Variants in PSME3 observed in about 807,000 individuals in gnomAD.
PSME3 encodes the protein proteasome activator subunit 3.
A neutral mutation model predicts 38.3 loss-of-function variants in PSME3; 7 were observed. The ratio of observed to expected loss-of-function variants is 0.18; its 90% CI spans 0.10 to 0.34. The LOEUF is 0.34. Among genes scored for constraint, PSME3 ranks in the 10% least tolerant of loss-of-function variants. The pLI is 1.00. For missense variants in PSME3, 192 were observed against 307.6 expected, an observed-to-expected ratio of 0.62 and a Z score of 2.81; for synonymous variants, 108 against 105.7, an observed-to-expected ratio of 1.02 and a Z score of -0.13.
intron 4 of PSME3, among the ~76,000 whole-genome samples, chr17:42,835,477 G>C (rs1301021679): frequency 1.3e-5 from 2 of 152,006 alleles, no homozygotes; most frequent in South Asian, 2.1e-4. Flanking sequence ...TGTAATCCCA[G>C]CACTTTGGGA....
chr17:42,839,397 C>T lies in PSME3; in HGVS notation c.684+17C>T. The stretch of plus-strand genomic sequence containing the variant: ...AATCAATATGTGAGTAATCTCAGTC[C>T]TTGTCCATAGTTGCTGTGGCTTCTC... On this transcript the variant is annotated intron_variant, in intron 10 of 10. Transcript: ENST00000590720. 1 of 1,570,230 alleles carries T rather than the reference C, an allele frequency of 6.4e-7. No homozygotes were observed.
chr17:42,835,878 T>C (rs779429459), intron 4 of PSME3, among the ~76,000 whole-genome samples: 2 of 152,168 alleles, frequency 1.3e-5, no homozygotes, highest in Non-Finnish European at 2.9e-5. Context: ...TTGCTTTGCA[T>C]CTCTAACACC....
Position 42,833,562 on chromosome 17 carries a change from C to T in PSME3, c.-70C>T, listed in dbSNP as rs11542143. 2,731 of 1,599,048 alleles carry T rather than the reference C, an allele frequency of 1.7e-3. 45 individuals carry two copies. The African/African-American group carries it at 0.03, about 17-fold the overall frequency. Reference sequence around the variant, plus strand: ...GAGGTCAGCCGAGATTTCTCAGGTCCCTCCGGCCCCCTCCCTGGAGTCCAC... The same window carrying T: ...GAGGTCAGCCGAGATTTCTCAGGTCTCTCCGGCCCCCTCCCTGGAGTCCAC... On this transcript the variant is annotated 5_prime_UTR_variant, in exon 1 of 11. Transcript: ENST00000590720.
Position 42,834,798 on chromosome 17 carries a change from A to T in PSME3, c.165A>T (p.Leu55=), listed in dbSNP as rs1255830138. 1 of 1,614,092 alleles carries T rather than the reference A, an allele frequency of 6.2e-7. No homozygotes were observed. Among genetic ancestry groups the T allele is most frequent in the Admixed American group, 1.7e-5 (1 of 60,024 alleles). ...AACCAATCTTAAACATCCATGACCT[A>T]ACTCAGATCCACTCTGACATGAATC... ...LKEPILNIHD[L]TQIHSDMNLP... is the part of the protein sequence containing the mutation. The change falls in exon 4 of 11, where the codon CTA becomes CTT. Residue 55 remains leucine, a synonymous_variant. Coordinates refer to ENST00000590720, the MANE Select transcript of PSME3 (RefSeq NM_005789.4).
intron 2 of PSME3, 68 bp from the exon 3 acceptor site, chr17:42,834,447 A>AGG (rs1567679386): frequency 1.9e-6 from 3 of 1,599,240 alleles, no homozygotes; most frequent in African/African-American, 2.7e-5. Flanking sequence ...GGAGAGAGAG[A>AGG]GAGAGAGAGA....
In PSME3 at chr17:42,838,138, A is replaced by G. The variant is rs776824947; in HGVS notation, c.338A>G (p.Gln113Arg). Residue 113 changes from glutamine (Q) to arginine (R), a missense_variant, in exon 6 of 11, where the codon CAG becomes CGG. Gln to Arg is a conservative substitution (Grantham distance 43, BLOSUM62 1). Transcript: ENST00000590720. ...VMPNGMLKSN[Q>R]QLVDIIEKVK... ...CCCAATGGGATGCTGAAAAGCAACC[A>G]GCAGCTGGTGGACATTATTGAGAAA... 6.2e-7 allele frequency: 1 copy of G among 1,614,198 alleles called. No homozygotes were observed. The highest frequency in any genetic ancestry group is 1.1e-5 in the South Asian group (1 of 91,080).
intron 6 of PSME3, among the ~76,000 whole-genome samples, chr17:42,838,518 T>C (rs1452464087): frequency 6.6e-6 from 1 of 151,880 alleles, no homozygotes; most frequent in Non-Finnish European, 1.5e-5. Context: ...ATTTTGGCCA[T>C]GGTTAGCCAG....
At chr17:42,835,535 C>G (rs56056416) in intron 4 of PSME3, among the ~76,000 whole-genome samples, 1 of 152,058 alleles carries the variant, frequency 6.6e-6, no homozygotes, top group Non-Finnish European at 1.5e-5. Context: ...ACCATCCTGG[C>G]TAACACCGTG....
In PSME3 at chr17:42,838,781, C is replaced by T; in HGVS notation, c.456C>T (p.Asn152=). ...LLIPRIEDGN[N]FGVSIQEETV... is the part of the protein sequence containing the mutation. ...TTCCCAGGATAGAAGATGGAAACAA[C>T]TTTGGGGTGTCCATTCAGGTAATGT... The change falls in exon 7 of 11, where the codon AAC becomes AAT. Residue 152 remains asparagine (N), a synonymous_variant. Transcript: ENST00000590720. The T allele has an allele frequency of 6.2e-7, 1 of 1,609,874 alleles. No individual in the cohort carries two copies. The highest frequency in any genetic ancestry group is 8.5e-7 in the Non-Finnish European group (1 of 1,176,160).
At chr17:42,837,165 A>G (rs913899092) in intron 4 of PSME3, among the ~76,000 whole-genome samples, 1 of 151,974 alleles carries the variant, frequency 6.6e-6, no homozygotes, top group African/African-American at 2.4e-5. Context: ...AGTTCTCTGC[A>G]TCAGCCTCCC....
rs780802385 is a variant in PSME3, at chr17:42,834,361, G to T, written c.60G>T (p.Glu20Asp). ...AATTTTAGGTTGATTCTTTCAGGGA[G>T]CGGATCACAAGTGAGGTGAGTGAAA... ...EVKLKVDSFR[E>D]RITSEAEDLV... The change falls in exon 2 of 11, where the codon GAG becomes GAT. Residue 20 changes from glutamate (E) to aspartate (D), a missense_variant. By Grantham distance (45) the Glu-to-Asp change is conservative (BLOSUM62 2). Coordinates refer to ENST00000590720, the MANE Select transcript of PSME3 (RefSeq NM_005789.4). The T allele has an allele frequency of 7.4e-6, 12 of 1,613,976 alleles. No individual in the cohort carries two copies. The East Asian group carries it at 2.7e-4, about 36-fold the overall frequency.
At chr17:42,841,227 C>G (rs934863760) in intron 10 of PSME3, among the ~76,000 whole-genome samples, 2 of 151,184 alleles carry the variant, frequency 1.3e-5, no homozygotes, top group South Asian at 4.2e-4. Context: ...TATATCAAAA[C>G]CAAGTTTTTT....
In PSME3 at chr17:42,843,722, T is replaced by A. The variant is rs1370274842; in HGVS notation, c.*2144T>A. 6.6e-6 allele frequency: 1 copy of A among 152,354 alleles called. No individual in the cohort carries two copies. The highest frequency in any genetic ancestry group is 2.4e-5 in the African/African-American group (1 of 41,452). 9.4% of individuals were successfully genotyped at this position (152,354 alleles called of 1,614,324 possible). ...TTGGAGGGCTGCCTAGGAATCTATC[T>A]CCCTCTGAAATAAAGTTTCCTCATC... is the stretch of plus-strand genomic sequence containing the variant. On this transcript the variant is annotated 3_prime_UTR_variant, in exon 11 of 11. Transcript: ENST00000590720.
chr17:42,840,782 T>A (rs993839610), intron 10 of PSME3, among the ~76,000 whole-genome samples: 1 of 152,088 alleles, frequency 6.6e-6, no homozygotes, highest in Non-Finnish European at 1.5e-5. Flanking sequence ...TTATACCCAG[T>A]TGAAGTATAA....
chr17:42,836,060 A>G (rs2055459382), intron 4 of PSME3, among the ~76,000 whole-genome samples: 2 of 144,000 alleles, frequency 1.4e-5, no homozygotes, highest in African/African-American at 5.2e-5. Context: ...GGCTGGGTGC[A>G]GTGGCGCGAT....
At chr17:42,841,248 A>G (rs932996477) in intron 10 of PSME3, among the ~76,000 whole-genome samples, 1 of 151,958 alleles carries the variant, frequency 6.6e-6, no homozygotes, top group African/African-American at 2.4e-5. Context: ...TTTCATTAAC[A>G]TTGTAACAAA....
Position 42,833,735 on chromosome 17 carries a change from T to A in PSME3, c.42+62T>A, listed in dbSNP as rs781713540. The A allele has an allele frequency of 1.3e-5, 21 of 1,613,916 alleles. No individual in the cohort carries two copies. In the Middle Eastern group the frequency reaches 4.9e-4, roughly 38 times the overall value. On this transcript the variant is annotated intron_variant, in intron 1 of 10. Coordinates refer to ENST00000590720, the MANE Select transcript of PSME3 (RefSeq NM_005789.4). ...TGATCCCCCAGCAGTCTGACCGGCTTCCTACTCCCCATGGCGTCTTTGTCT... is the reference window on the plus strand; with the variant it reads ...TGATCCCCCAGCAGTCTGACCGGCTACCTACTCCCCATGGCGTCTTTGTCT...
At chr17:42,838,239 C>T (rs1246056755) in intron 6 of PSME3, 34 bp downstream of exon 6, 2 of 1,612,284 alleles carry the variant, frequency 1.2e-6, no homozygotes, top group Admixed American at 3.3e-5. Flanking sequence ...TGGGCCGGCC[C>T]CAAGTACCCC....
intron 5 of PSME3, 92 bp downstream of exon 5, chr17:42,837,789 G>C: frequency 7.1e-7 from 1 of 1,410,804 alleles, no homozygotes; most frequent in East Asian, 2.3e-5. Context: ...CTGACCAGGA[G>C]GCAAGATCTA....
Sources: allele counts gnomAD v4.1 joint callset (sites outside exome capture counted in the v4.1 genomes callset), GRCh38; gene constraint gnomAD v4.1.1; transcripts MANE v1.5; gene names NCBI Gene and HGNC (gene_info 2026-07-23, HGNC 2026-07-21).